The following CECR2 variants were observed in gnomAD, a reference collection of about 807,000 sequenced individuals.
The protein encoded by CECR2 is CECR2 histone acetyl-lysine reader, also known as chromatin remodeling regulator CECR2.
Under a neutral mutation model 154.5 loss-of-function variants are expected in CECR2, and 30 were observed. The observed-to-expected ratio is 0.19, with a 90% CI of 0.15 to 0.26. The LOEUF is 0.26. CECR2 is among the 10% of genes least tolerant of loss of function. The pLI, the probability that CECR2 is intolerant of heterozygous loss-of-function variation, is 1.00. For missense variants in CECR2, 1,743 were observed against 1,829.3 expected (o/e 0.95, Z 0.86); for synonymous variants, 725 against 683.7 (o/e 1.06, Z -0.94).
intron 1 of CECR2, among the ~76,000 whole-genome samples, chr22:17,409,192 G>A (rs1462558341): frequency 6.7e-6 from 1 of 149,702 alleles, no homozygotes; most frequent in African/African-American, 2.5e-5. Context: ...GAGTGCAGTG[G>A]CATGATCTTG....
At chr22:17,370,842 A>G (rs1331455519) in intron 1 of CECR2, among the ~76,000 whole-genome samples, 4 of 152,322 alleles carry the variant, frequency 2.6e-5, no homozygotes, top group Admixed American at 2.6e-4. Flanking sequence ...GGAGCTGAGA[A>G]TTAGTCGATT....
intron 16 of CECR2, among the ~76,000 whole-genome samples, chr22:17,547,774 T>A (rs1335164943): frequency 1.3e-5 from 2 of 152,126 alleles, no homozygotes; most frequent in East Asian, 3.9e-4. Context: ...CTTCCCAGCA[T>A]GGCCAGTGAT....
Position 17,548,666 on chromosome 22 carries a change from C to G in CECR2, c.3379C>G (p.Pro1127Ala). ...PPLYMPGLEYPNSAAHYHISP... is the reference protein window; with the variant it reads ...PPLYMPGLEYANSAAHYHISP... ...GCTGTATATGCCTGGCCTAGAGTACCCGAATTCAGCTGCCCATTACCACAT... is the reference window on the plus strand; with the variant it reads ...GCTGTATATGCCTGGCCTAGAGTACGCGAATTCAGCTGCCCATTACCACAT... The change falls in exon 17 of 19, where the codon CCG becomes GCG. Residue 1127 changes from proline to alanine, a missense_variant. Coordinates refer to ENST00000262608, the MANE Select transcript of CECR2 (RefSeq NM_001290047.2). The G allele has an allele frequency of 6.2e-7, 1 of 1,613,296 alleles. No individual in the cohort carries two copies. The highest frequency in any genetic ancestry group is 8.5e-7 in the Non-Finnish European group (1 of 1,179,670).
At chr22:17,458,174 G>A (rs1226234821) in intron 1 of CECR2, among the ~76,000 whole-genome samples, 1 of 152,046 alleles carries the variant, frequency 6.6e-6, no homozygotes, top group African/African-American at 2.4e-5. Context: ...CCCAGCACTT[G>A]GGGAGGCTGA....
intron 7 of CECR2, among the ~76,000 whole-genome samples, 174 bp downstream of exon 7, chr22:17,505,190 C>T (rs988840117): frequency 6.6e-6 from 1 of 152,130 alleles, no homozygotes; most frequent in Non-Finnish European, 1.5e-5. Flanking sequence ...CTCTCCTTCA[C>T]TGTGGGTCCT....
chr22:17,435,191 TTTTCTTTC>T (rs201386773), intron 1 of CECR2, among the ~76,000 whole-genome samples: 1 of 151,894 alleles, frequency 6.6e-6, no homozygotes, highest in African/African-American at 2.4e-5. Flanking sequence ...CTCCAAAGTT[TTTTCTTTC>T]TTTCTTTCTT....
chr22:17,510,849 C>G (rs1046876499), intron 7 of CECR2, among the ~76,000 whole-genome samples: 1 of 152,208 alleles, frequency 6.6e-6, no homozygotes, highest in Non-Finnish European at 1.5e-5. Context: ...TCGTGATCCG[C>G]TCACCTCGGC....
chr22:17,370,892 G>A (rs2063052723), intron 1 of CECR2, among the ~76,000 whole-genome samples: 1 of 152,202 alleles, frequency 6.6e-6, no homozygotes, highest in Non-Finnish European at 1.5e-5. Flanking sequence ...ATGGCAATAT[G>A]TGTCGTGACT....
chr22:17,423,863 GT>G (rs1202021196), intron 1 of CECR2, among the ~76,000 whole-genome samples: 1 of 152,162 alleles, frequency 6.6e-6, no homozygotes, highest in African/African-American at 2.4e-5. Context: ...TCTTCAGTGT[GT>G]TTACCTTTTT....
At chr22:17,513,369 C>G (rs1408705577) in intron 8 of CECR2, among the ~76,000 whole-genome samples, 1 of 152,146 alleles carries the variant, frequency 6.6e-6, no homozygotes, top group African/African-American at 2.4e-5. Flanking sequence ...TGTTACGTTA[C>G]GGAGCCTTCC....
intron 1 of CECR2, among the ~76,000 whole-genome samples, chr22:17,360,841 C>T (rs1418066736): frequency 4.7e-5 from 5 of 105,930 alleles, no homozygotes; most frequent in Non-Finnish European, 7.3e-5. Context: ...GAGACCCTGT[C>T]TCAAACAAAC....
intron 7 of CECR2, among the ~76,000 whole-genome samples, chr22:17,506,323 C>T (rs979303988): frequency 8.6e-5 from 13 of 151,336 alleles, no homozygotes; most frequent in Non-Finnish European, 1.9e-4. Flanking sequence ...CGTAGGGTTT[C>T]CCTATGTTGC....
intron 1 of CECR2, among the ~76,000 whole-genome samples, chr22:17,450,324 G>T (rs760765083): frequency 6.6e-6 from 1 of 152,220 alleles, no homozygotes; most frequent in African/African-American, 2.4e-5. Context: ...AGGCTGGAGT[G>T]CAGTGGCGCA....
intron 1 of CECR2, chr22:17,418,573 C>T (rs1296527495): frequency 6.3e-6 from 1 of 158,016 alleles, no homozygotes; most frequent in Non-Finnish European, 1.5e-5. Context: ...ATGTAACTAA[C>T]TTTGTTTAAG....
intron 1 of CECR2, among the ~76,000 whole-genome samples, chr22:17,438,121 A>G (rs923358410): frequency 6.6e-6 from 1 of 152,230 alleles, no homozygotes; most frequent in African/African-American, 2.4e-5. Context: ...CAAGCTGAAT[A>G]TTACATGCAG....
chr22:17,374,793 C>T (rs147762640), intron 1 of CECR2, among the ~76,000 whole-genome samples: 2 of 152,304 alleles, frequency 1.3e-5, no homozygotes, highest in Admixed American at 1.3e-4. Flanking sequence ...CGGCCTTAAC[C>T]ATCACCATGA....
chr22:17,378,255 T>C (rs1280674574), intron 1 of CECR2, among the ~76,000 whole-genome samples: 1 of 151,256 alleles, frequency 6.6e-6, no homozygotes, highest in African/African-American at 2.4e-5. Context: ...AGTGCTGGGA[T>C]TACAGGTGTG....
At chr22:17,493,270 CCT>C (rs768435560) in intron 2 of CECR2, among the ~76,000 whole-genome samples, 4 of 152,198 alleles carry the variant, frequency 2.6e-5, no homozygotes, top group Non-Finnish European at 5.9e-5. Flanking sequence ...CTGCGCCCGG[CCT>C]CTTTTTCCTT....
At chr22:17,388,768 T>G (rs552970554) in intron 1 of CECR2, among the ~76,000 whole-genome samples, 2 of 152,352 alleles carry the variant, frequency 1.3e-5, no homozygotes, top group African/African-American at 4.8e-5. Context: ...ATTTTTCCAC[T>G]CTACTGTAAC....
Sources: allele counts gnomAD v4.1 joint callset (sites outside exome capture counted in the v4.1 genomes callset), GRCh38; gene constraint gnomAD v4.1.1; transcripts MANE v1.5; gene names NCBI Gene and HGNC (gene_info 2026-07-23, HGNC 2026-07-21).